The following KIAA1217 variants were observed in gnomAD, a reference collection of about 807,000 sequenced individuals.
The protein encoded by KIAA1217 is sickle tail protein homolog.
KIAA1217 carries 88 observed loss-of-function variants against 163.9 expected under a neutral mutation model. That is an observed-to-expected ratio of 0.54 (90% CI 0.45 to 0.64). The LOEUF (loss-of-function observed/expected upper bound fraction) is 0.64. Ranked by LOEUF, KIAA1217 falls within the 30% of genes least tolerant of loss-of-function variation. The pLI is 0.00. For synonymous variants in KIAA1217, 903 were observed against 923.1 expected (o/e 0.98, Z 0.39); for missense variants, 2,372 against 2,475.0 (o/e 0.96, Z 0.88).
intron 9 of KIAA1217, among the ~76,000 whole-genome samples, chr10:24,503,980 C>T (rs2068014108): frequency 6.6e-6 from 1 of 152,218 alleles, no homozygotes; most frequent in African/African-American, 2.4e-5. Flanking sequence ...ATAAATGCCG[C>T]ACTTCCCCTG....
intron 2 of KIAA1217, among the ~76,000 whole-genome samples, chr10:24,357,562 A>T (rs2049272384): frequency 6.6e-6 from 1 of 152,182 alleles, no homozygotes; most frequent in African/African-American, 2.4e-5. Flanking sequence ...TGAAGCAAGG[A>T]TGGAATGTCT....
chr10:24,220,518 G>A (rs1229548876), intron 2 of KIAA1217, among the ~76,000 whole-genome samples: 6 of 141,130 alleles, frequency 4.3e-5, no homozygotes, highest in African/African-American at 1.1e-4. Context: ...GCAGTGGTGC[G>A]ATCTTGGTTC....
intron 2 of KIAA1217, among the ~76,000 whole-genome samples, chr10:24,090,157 T>C (rs2061870048): frequency 7.0e-6 from 1 of 142,404 alleles, no homozygotes; most frequent in East Asian, 2.0e-4. Flanking sequence ...TCTTTCTTTT[T>C]CTTTTTCTTT....
At chr10:24,079,274 G>A (rs144855594) in intron 2 of KIAA1217, among the ~76,000 whole-genome samples, 202 of 152,274 alleles carry the variant, frequency 1.3e-3, no homozygotes, top group African/African-American at 4.7e-3. Context: ...TGTAACTGAG[G>A]TTTACAGTAG....
chr10:24,238,730 T>C (rs1298428390), intron 2 of KIAA1217, among the ~76,000 whole-genome samples: 1 of 152,088 alleles, frequency 6.6e-6, no homozygotes, highest in African/African-American at 2.4e-5. Flanking sequence ...ATTGAAGGTT[T>C]TTCAAGACCT....
At chr10:24,480,741 G>A (rs1246490984) in intron 6 of KIAA1217, among the ~76,000 whole-genome samples, 1 of 152,212 alleles carries the variant, frequency 6.6e-6, no homozygotes, top group Non-Finnish European at 1.5e-5. Context: ...AAGAAGCAGG[G>A]AGAGACATTT....
At chr10:23,834,761 G>A (rs528402143) in intron 1 of KIAA1217, among the ~76,000 whole-genome samples, 67 of 152,094 alleles carry the variant, frequency 4.4e-4, no homozygotes, top group Non-Finnish European at 7.8e-4. Context: ...AAGAATCAAG[G>A]ACAACTCCAA....
At chr10:24,525,873 C>T (rs534349810) in intron 13 of KIAA1217, among the ~76,000 whole-genome samples, 3 of 152,030 alleles carry the variant, frequency 2.0e-5, no homozygotes, top group Non-Finnish European at 2.9e-5. Context: ...GCCTGTAGCC[C>T]CAGCTACTCA....
intron 2 of KIAA1217, among the ~76,000 whole-genome samples, chr10:24,286,638 T>C (rs2078571383): frequency 6.6e-6 from 1 of 152,190 alleles, no homozygotes; most frequent in Admixed American, 6.5e-5. Flanking sequence ...ATCCCCTTTA[T>C]ATTCTCTTCA....
At chr10:24,544,518 G>C (rs2075481394) in intron 19 of KIAA1217, 37 bp downstream of exon 19, 1 of 1,563,158 alleles carries the variant, frequency 6.4e-7, no homozygotes, top group Non-Finnish European at 8.6e-7. Context: ...AGACCCAGCT[G>C]CTTTCCTAAA....
intron 2 of KIAA1217, among the ~76,000 whole-genome samples, chr10:24,244,797 T>C (rs1453967165): frequency 6.6e-6 from 1 of 152,042 alleles, no homozygotes; most frequent in Non-Finnish European, 1.5e-5. Flanking sequence ...ACTCCCGGCC[T>C]CAAGTGATCC....
At chr10:23,956,187 C>T (rs1844549408) in intron 1 of KIAA1217, among the ~76,000 whole-genome samples, 1 of 152,222 alleles carries the variant, frequency 6.6e-6, no homozygotes, top group African/African-American at 2.4e-5. Context: ...TTTAATCTTC[C>T]TTTATGACAC....
chr10:24,365,708 A>C (rs930188050), intron 2 of KIAA1217, among the ~76,000 whole-genome samples: 6 of 151,734 alleles, frequency 4.0e-5, no homozygotes, highest in Non-Finnish European at 8.8e-5. Context: ...TTATTTATTT[A>C]TTTATTTTTT....
intron 1 of KIAA1217, among the ~76,000 whole-genome samples, chr10:23,702,884 C>A (rs1184082945): frequency 6.6e-6 from 1 of 152,048 alleles, no homozygotes; most frequent in Non-Finnish European, 1.5e-5. Context: ...CATGCCACCT[C>A]GCCCGGTAAT....
At chr10:24,474,172 C>A in intron 6 of KIAA1217, 112 bp downstream of exon 6, 1 of 767,044 alleles carries the variant, frequency 1.3e-6, no homozygotes, top group Non-Finnish European at 2.1e-6. Flanking sequence ...ATCTCTGCAG[C>A]ATGTCCTGTG....
intron 5 of KIAA1217, among the ~76,000 whole-genome samples, chr10:24,453,988 A>T (rs145648837): frequency 8.0e-4 from 122 of 152,324 alleles, no homozygotes; most frequent in African/African-American, 2.8e-3. Flanking sequence ...TATGAAGTAT[A>T]AAAACCAAGG....
intron 1 of KIAA1217, among the ~76,000 whole-genome samples, chr10:23,985,147 A>T (rs1350803675): frequency 6.6e-6 from 1 of 152,160 alleles, no homozygotes; most frequent in Non-Finnish European, 1.5e-5. Flanking sequence ...CAGCCATCTT[A>T]AAAAGGGTAC....
At chr10:23,957,037 C>T (rs1186321643) in intron 1 of KIAA1217, among the ~76,000 whole-genome samples, 3 of 152,166 alleles carry the variant, frequency 2.0e-5, no homozygotes, top group Non-Finnish European at 4.4e-5. Context: ...CCACTGGCTC[C>T]TCACCAGGCT....
intron 2 of KIAA1217, among the ~76,000 whole-genome samples, chr10:24,089,831 T>C (rs190372096): frequency 1.3e-5 from 2 of 151,980 alleles, no homozygotes; most frequent in African/African-American, 4.9e-5. Flanking sequence ...TGCTCATGGA[T>C]AGGAAGAATC....
Sources: allele counts gnomAD v4.1 joint callset (sites outside exome capture counted in the v4.1 genomes callset), GRCh38; gene constraint gnomAD v4.1.1; transcripts MANE v1.5; gene names NCBI Gene and HGNC (gene_info 2026-07-23, HGNC 2026-07-21).